CNTNAP2: variants seen among roughly 807,000 people sequenced by gnomAD.
CNTNAP2 encodes contactin associated protein 2.
In CNTNAP2, 98 loss-of-function variants were observed where a neutral mutation model predicts 155.2. The observed-to-expected ratio is 0.63, with a 90% CI of 0.54 to 0.75. CNTNAP2 has a LOEUF of 0.75. Among genes scored for constraint, CNTNAP2 ranks in the 30% least tolerant of loss-of-function variants. The pLI is 0.00. For missense variants in CNTNAP2, 1,727 were observed against 1,688.1 expected, an observed-to-expected ratio of 1.02 and a Z score of -0.40; for synonymous variants, 651 against 631.2, an observed-to-expected ratio of 1.03 and a Z score of -0.47.
rs367775615 is a variant in CNTNAP2 at position 146,497,317 on chromosome 7, TTATC to T, written c.98-276946_98-276943del. Among the ~76,000 whole-genome samples, 927 of 152,314 alleles carry T rather than the reference TTATC, an allele frequency of 6.1e-3. 6 individuals carry two copies. The highest frequency in any genetic ancestry group is 0.018 in the African/African-American group (761 of 41,576). ...ACTAGTTTTCTGATTAAAACATTGT[TTATC>T]TATCTATATCTGTGGTTTGTATAAT... is the stretch of plus-strand genomic sequence containing the variant. On this transcript the variant is annotated intron_variant, in intron 1 of 23. Transcript: ENST00000361727.
At chr7:148,347,474 C>G (rs1798347669) in intron 21 of CNTNAP2, among the ~76,000 whole-genome samples, 1 of 152,052 alleles carries the variant, frequency 6.6e-6, no homozygotes, top group African/African-American at 2.4e-5. Context: ...CCATATATGC[C>G]CCCCATCGGT....
chr7:147,517,227 A>G (rs1799144022), intron 11 of CNTNAP2, among the ~76,000 whole-genome samples: 2 of 152,114 alleles, frequency 1.3e-5, no homozygotes, highest in Non-Finnish European at 2.9e-5. Flanking sequence ...ATTCAAGAGG[A>G]AAATTGTGAA....
chr7:146,902,016 C>T (rs979170530), intron 3 of CNTNAP2, among the ~76,000 whole-genome samples: 1 of 151,758 alleles, frequency 6.6e-6, no homozygotes, highest in African/African-American at 2.4e-5. Context: ...GTTGGGACTA[C>T]AGGCGCCTGC....
intron 4 of CNTNAP2, among the ~76,000 whole-genome samples, chr7:147,084,806 A>T (rs1800237430): frequency 6.7e-6 from 1 of 148,232 alleles, no homozygotes; most frequent in South Asian, 2.1e-4. Context: ...ATATAATTTT[A>T]TGTATTTTAT....
At chr7:146,627,367 A>T (rs1799437533) in intron 1 of CNTNAP2, among the ~76,000 whole-genome samples, 1 of 152,180 alleles carries the variant, frequency 6.6e-6, no homozygotes, top group Admixed American at 6.6e-5. Context: ...ATTATGTATG[A>T]AAATACGTAT....
chr7:147,994,506 A>G (rs1801768168), intron 15 of CNTNAP2, among the ~76,000 whole-genome samples: 1 of 152,168 alleles, frequency 6.6e-6, no homozygotes, highest in Non-Finnish European at 1.5e-5. Context: ...GGAGGGACCC[A>G]GTGGGAGATG....
intron 1 of CNTNAP2, among the ~76,000 whole-genome samples, chr7:146,132,434 C>T (rs147237551): frequency 0.015 from 2,224 of 151,992 alleles, 23 homozygotes; most frequent in Middle Eastern, 0.037. Flanking sequence ...TTTTATTATA[C>T]TTTAAGTTTT....
chr7:146,492,660 T>A (rs1463025008), intron 1 of CNTNAP2, among the ~76,000 whole-genome samples: 1 of 152,226 alleles, frequency 6.6e-6, no homozygotes, highest in Non-Finnish European at 1.5e-5. Flanking sequence ...CATGCTTCTT[T>A]CATCTTGCTT....
At chr7:147,398,569 G>A (rs938776128) in intron 10 of CNTNAP2, among the ~76,000 whole-genome samples, 1 of 143,022 alleles carries the variant, frequency 7.0e-6, no homozygotes, top group African/African-American at 2.6e-5. Context: ...GTGTTGTATT[G>A]GAATACCCTA....
intron 21 of CNTNAP2, among the ~76,000 whole-genome samples, chr7:148,278,803 G>C (rs1229416544): frequency 1.3e-5 from 2 of 152,198 alleles, no homozygotes; most frequent in African/African-American, 2.4e-5. Flanking sequence ...AAGAGGCTTA[G>C]CAGGAAAGCA....
intron 3 of CNTNAP2, among the ~76,000 whole-genome samples, chr7:146,850,146 G>A: frequency 6.6e-6 from 1 of 152,166 alleles, no homozygotes; most frequent in Admixed American, 6.5e-5. Context: ...AAGATATAGT[G>A]CTGACAGGCT....
intron 3 of CNTNAP2, among the ~76,000 whole-genome samples, chr7:146,922,673 C>T (rs10251563): frequency 0.33 from 50,780 of 151,904 alleles, 9,291 homozygotes; most frequent in Middle Eastern, 0.41. Flanking sequence ...ATTAGCTCTG[C>T]GATTGTAAAA....
At chr7:148,219,665 C>T (rs1278926205) in intron 19 of CNTNAP2, among the ~76,000 whole-genome samples, 1 of 152,132 alleles carries the variant, frequency 6.6e-6, no homozygotes, top group Non-Finnish European at 1.5e-5. Context: ...GACTCCATCT[C>T]TACCAAAAAT....
intron 3 of CNTNAP2, among the ~76,000 whole-genome samples, chr7:146,881,755 AT>A (rs11416504): frequency 1.5e-4 from 19 of 123,682 alleles, no homozygotes; most frequent in Middle Eastern, 4.4e-3. Flanking sequence ...GATCCCTATA[AT>A]TTTTTTTTTT....
At chr7:146,193,175 T>C (rs1391335229) in intron 1 of CNTNAP2, among the ~76,000 whole-genome samples, 2 of 152,196 alleles carry the variant, frequency 1.3e-5, no homozygotes, top group Non-Finnish European at 2.9e-5. Flanking sequence ...TGTCTGCAGC[T>C]TTTCCAGGCA....
intron 8 of CNTNAP2, among the ~76,000 whole-genome samples, chr7:147,232,740 C>G (rs1027388557): frequency 1.3e-5 from 2 of 152,030 alleles, no homozygotes; most frequent in Non-Finnish European, 2.9e-5. Flanking sequence ...TAGAAAAAAA[C>G]GTAGGGGGAA....
At chr7:147,459,543 G>T (rs4726862) in intron 10 of CNTNAP2, among the ~76,000 whole-genome samples, 33,179 of 151,990 alleles carry the variant, frequency 0.22, 4,169 homozygotes, top group African/African-American at 0.34. Flanking sequence ...TCAGAGGGAG[G>T]CAGTAAGGTT....
intron 1 of CNTNAP2, among the ~76,000 whole-genome samples, chr7:146,322,498 C>G (rs533177599): frequency 1.1e-3 from 166 of 152,112 alleles, no homozygotes; most frequent in Non-Finnish European, 1.9e-3. Flanking sequence ...TGCTTGTATC[C>G]TAGAATGATT....
chr7:148,302,618 T>A (rs1797414490), intron 21 of CNTNAP2, among the ~76,000 whole-genome samples: 1 of 152,122 alleles, frequency 6.6e-6, no homozygotes, highest in Admixed American at 6.5e-5. Context: ...TGCCCCGCGC[T>A]GTTCTCAGGA....
Sources: gnomAD v4.1 joint callset for allele counts (sites outside exome capture counted in the v4.1 genomes callset) on GRCh38, gnomAD v4.1.1 for gene constraint, MANE v1.5 for transcripts, NCBI Gene and HGNC (gene_info 2026-07-23, HGNC 2026-07-21) for gene names.